The following NRCAM variants were observed in gnomAD, a reference collection of about 807,000 sequenced individuals.
NRCAM encodes the protein neuronal cell adhesion molecule.
In NRCAM, 83 loss-of-function variants were observed where a neutral mutation model predicts 156.5. That is an observed-to-expected ratio of 0.53 (90% CI 0.44 to 0.64). The LOEUF (loss-of-function observed/expected upper bound fraction) is 0.64, where lower values mean the gene tolerates loss of function less well. Ranked by LOEUF, NRCAM falls within the 30% of genes least tolerant of loss-of-function variation. The pLI is 0.00. For missense variants in NRCAM, 1,417 were observed against 1,597.3 expected, an observed-to-expected ratio of 0.89 and a Z score of 1.92; for synonymous variants, 538 against 563.9, an observed-to-expected ratio of 0.95 and a Z score of 0.65.
At chr7:108,242,862 G>C (rs2095628217) in intron 3 of NRCAM, among the ~76,000 whole-genome samples, 2 of 152,080 alleles carry the variant, frequency 1.3e-5, no homozygotes, top group South Asian at 4.1e-4. Flanking sequence ...CATGTATTTT[G>C]TCTGGATGTA....
intron 3 of NRCAM, among the ~76,000 whole-genome samples, chr7:108,308,331 A>AATCTAATAATCTAAT (rs1439581948): frequency 1.3e-5 from 2 of 152,250 alleles, no homozygotes; most frequent in Non-Finnish European, 2.9e-5. Flanking sequence ...ATAATCCCAG[A>AATCTAATAATCTAAT]AAACAGTTAA....
chr7:108,247,074 C>T, intron 3 of NRCAM, among the ~76,000 whole-genome samples: 1 of 152,142 alleles, frequency 6.6e-6, no homozygotes, highest in East Asian at 1.9e-4. Context: ...GAGAGACCAT[C>T]CTGGACTCTC....
At chr7:108,251,698 T>G (rs2096359862) in intron 3 of NRCAM, among the ~76,000 whole-genome samples, 1 of 152,152 alleles carries the variant, frequency 6.6e-6, no homozygotes, top group South Asian at 2.1e-4. Flanking sequence ...AAGGGAAGAA[T>G]GAGGTGAGCA....
intron 1 of NRCAM, among the ~76,000 whole-genome samples, chr7:108,431,578 T>A (rs189149295): frequency 6.6e-6 from 1 of 150,956 alleles, no homozygotes; most frequent in Admixed American, 6.6e-5. Context: ...AGCTCAGGAG[T>A]TCAAGGTCAG....
intron 2 of NRCAM, among the ~76,000 whole-genome samples, chr7:108,394,756 G>C (rs532828865): frequency 6.9e-6 from 1 of 144,152 alleles, no homozygotes; most frequent in African/African-American, 2.7e-5. Flanking sequence ...TGTTATGTTG[G>C]GTGAATAGAA....
At chr7:108,169,537 G>T (rs1235294150) in intron 28 of NRCAM, among the ~76,000 whole-genome samples, 1 of 152,084 alleles carries the variant, frequency 6.6e-6, no homozygotes, top group Non-Finnish European at 1.5e-5. Flanking sequence ...ATTAAGAAAA[G>T]AAAGATATTA....
chr7:108,298,832 G>A (rs1201986878), intron 3 of NRCAM, among the ~76,000 whole-genome samples: 1 of 151,210 alleles, frequency 6.6e-6, no homozygotes, highest in East Asian at 2.0e-4. Flanking sequence ...ACGGGGCCAG[G>A]CGCAGTGGCT....
At chr7:108,272,838 G>C (rs1453938358) in intron 3 of NRCAM, among the ~76,000 whole-genome samples, 1 of 151,788 alleles carries the variant, frequency 6.6e-6, no homozygotes. Context: ...GTGCCATGTT[G>C]GTTTGCTGCA....
At chr7:108,454,790 C>T (rs1458565306) in intron 1 of NRCAM, among the ~76,000 whole-genome samples, 2 of 152,342 alleles carry the variant, frequency 1.3e-5, no homozygotes, top group East Asian at 3.9e-4. Flanking sequence ...CCATCTCCTC[C>T]TGCAAAAGCC....
intron 8 of NRCAM, among the ~76,000 whole-genome samples, chr7:108,229,528 G>T (rs777643862): frequency 6.6e-6 from 1 of 152,118 alleles, no homozygotes; most frequent in Non-Finnish European, 1.5e-5. Context: ...CTGCTTTGCT[G>T]ATTTCTCCAT....
chr7:108,323,669 G>A (rs758546761), intron 2 of NRCAM, among the ~76,000 whole-genome samples: 85 of 152,228 alleles, frequency 5.6e-4, no homozygotes, highest in Non-Finnish European at 6.9e-4. Context: ...AATAATACAG[G>A]CAGAAATCTC....
chr7:108,345,027 A>C (rs190646347), intron 2 of NRCAM, among the ~76,000 whole-genome samples: 145 of 152,362 alleles, frequency 9.5e-4, no homozygotes, highest in African/African-American at 2.8e-3. Context: ...TTACTGAAAC[A>C]AATTAGCAGG....
chr7:108,332,718 C>T (rs1418375863), intron 2 of NRCAM, among the ~76,000 whole-genome samples: 1 of 152,160 alleles, frequency 6.6e-6, no homozygotes, highest in Non-Finnish European at 1.5e-5. Flanking sequence ...CTCTTTATGG[C>T]TACTAATGTA....
chr7:108,207,759 C>T (rs1473355691), intron 12 of NRCAM, 100 bp from the exon 13 acceptor site: 1 of 908,348 alleles, frequency 1.1e-6, no homozygotes. Context: ...AAGTACTTCA[C>T]ACTAAATTAG....
chr7:108,218,333 T>C (rs181713724), intron 11 of NRCAM, among the ~76,000 whole-genome samples: 390 of 152,316 alleles, frequency 2.6e-3, no homozygotes, highest in Non-Finnish European at 4.5e-3. Flanking sequence ...ACCCACCTTC[T>C]GCATCGATCT....
intron 32 of NRCAM, among the ~76,000 whole-genome samples, chr7:108,157,587 G>A (rs2046295130): frequency 6.6e-6 from 1 of 152,020 alleles, no homozygotes. Flanking sequence ...AGATCCAGGG[G>A]GTACATGTGC....
intron 1 of NRCAM, among the ~76,000 whole-genome samples, chr7:108,443,575 T>G (rs1485630826): frequency 6.6e-6 from 1 of 152,164 alleles, no homozygotes; most frequent in Non-Finnish European, 1.5e-5. Context: ...ACTGTAACAT[T>G]TTTCATGTTG....
At chr7:108,337,574 T>G (rs532754570) in intron 2 of NRCAM, among the ~76,000 whole-genome samples, 1 of 152,338 alleles carries the variant, frequency 6.6e-6, no homozygotes, top group East Asian at 1.9e-4. Flanking sequence ...AGGTTCATCC[T>G]AATTGAGCTG....
At chr7:108,409,838 A>G (rs1793140828) in intron 1 of NRCAM, among the ~76,000 whole-genome samples, 1 of 152,230 alleles carries the variant, frequency 6.6e-6, no homozygotes, top group Admixed American at 6.5e-5. Context: ...TAGACTTTTG[A>G]AGGACATCTA....
Sources: gnomAD v4.1 joint callset for allele counts (sites outside exome capture counted in the v4.1 genomes callset) on GRCh38, gnomAD v4.1.1 for gene constraint, MANE v1.5 for transcripts, NCBI Gene and HGNC (gene_info 2026-07-23, HGNC 2026-07-21) for gene names.